Variants in PCDHGB2 observed in about 807,000 individuals in gnomAD.
PCDHGB2 encodes protocadherin gamma subfamily B, 2.
PCDHGB2 carries 55 observed loss-of-function variants against 59.3 expected under a neutral mutation model. That is an observed-to-expected ratio of 0.93 (90% CI 0.75 to 1.16). PCDHGB2 has a LOEUF of 1.16. PCDHGB2 is among the 50% of genes most tolerant of loss of function. The pLI is 0.00. For missense variants in PCDHGB2, 1,228 were observed against 1,198.5 expected, an observed-to-expected ratio of 1.02 and a Z score of -0.36; for synonymous variants, 516 against 512.0, an observed-to-expected ratio of 1.01 and a Z score of -0.11.
intron 1 of PCDHGB2, chr5:141,394,355 G>A: frequency 6.2e-7 from 1 of 1,614,182 alleles, no homozygotes; most frequent in Non-Finnish European, 8.5e-7. Context: ...CCGGTGTCCT[G>A]TATGCGCTGC....
chr5:141,404,159 A>C, intron 1 of PCDHGB2: 1 of 1,613,114 alleles, frequency 6.2e-7, no homozygotes, highest in South Asian at 1.1e-5. Flanking sequence ...AGATTATTAC[A>C]GATTGTTGAC....
chr5:141,489,867 G>C lies in PCDHGB2; in HGVS notation c.2422-4940G>C. ...ATCGTGAAGCCCAGGCAAGACATCA[G>C]CTGGTGCTTACTGCTGTGGATGGGG... On this transcript the variant is annotated intron_variant, in intron 1 of 3. Transcript: ENST00000522605. This position sits in a 1 kb window ranked among gnomAD's most constrained non-coding sequence, Gnocchi z 4.5. 1 of 1,614,240 alleles carries C rather than the reference G, an allele frequency of 6.2e-7. No individual in the cohort carries two copies. Among genetic ancestry groups the C allele is most frequent in the Non-Finnish European group, 8.5e-7 (1 of 1,180,034 alleles).
chr5:141,497,110 C>T (rs964183820), intron 2 of PCDHGB2, among the ~76,000 whole-genome samples: 2 of 151,738 alleles, frequency 1.3e-5, no homozygotes, highest in African/African-American at 2.4e-5. Context: ...TGCTTGAACC[C>T]GGAAGGCAGA....
chr5:141,404,648 G>C (rs1178706213), intron 1 of PCDHGB2: 1 of 1,614,148 alleles, frequency 6.2e-7, no homozygotes, highest in African/African-American at 1.3e-5. Flanking sequence ...CCTGTACCCT[G>C]CCCTCCCCAC....
intron 1 of PCDHGB2, chr5:141,398,997 G>A: frequency 6.2e-7 from 1 of 1,613,934 alleles, no homozygotes; most frequent in Non-Finnish European, 8.5e-7. Flanking sequence ...TCTTTAGTCT[G>A]AATTCAAAGA....
At chr5:141,418,000 G>A (rs758811293) in intron 1 of PCDHGB2, 6 of 1,613,902 alleles carry the variant, frequency 3.7e-6, no homozygotes, top group Admixed American at 1.7e-5. Context: ...GCTCGGTGGT[G>A]GGGAACCTCG....
chr5:141,502,402 A>T (rs1317862793), intron 2 of PCDHGB2, among the ~76,000 whole-genome samples: 1 of 151,976 alleles, frequency 6.6e-6, no homozygotes, highest in Admixed American at 6.6e-5. Flanking sequence ...AATGTCCCCG[A>T]ACCTGGATTT....
chr5:141,428,224 G>T, intron 1 of PCDHGB2: 1 of 1,164,316 alleles, frequency 8.6e-7, no homozygotes, highest in Non-Finnish European at 1.3e-6. Context: ...AGTCTTCGCA[G>T]ACAGCCTGCA....
intron 1 of PCDHGB2, chr5:141,399,007 A>G (rs1403288140): frequency 6.2e-7 from 1 of 1,613,948 alleles, no homozygotes. Flanking sequence ...GAATTCAAAG[A>G]GCGGAGAAAT....
intron 1 of PCDHGB2, among the ~76,000 whole-genome samples, chr5:141,479,965 T>C (rs2099510479): frequency 6.6e-6 from 1 of 152,234 alleles, no homozygotes; most frequent in East Asian, 1.9e-4. Context: ...GTTAGTCAAA[T>C]GAGGTTCTAC....
chr5:141,393,400 T>A (rs1427213486), intron 1 of PCDHGB2: 5 of 1,614,024 alleles, frequency 3.1e-6, no homozygotes, highest in Non-Finnish European at 4.2e-6. Context: ...GAGCTGGTGC[T>A]GGAGCGCGCC....
Position 141,485,842 on chromosome 5 carries a change from T to G in PCDHGB2, c.2422-8965T>G. 4 of 1,614,002 alleles carry G rather than the reference T, an allele frequency of 2.5e-6. No homozygotes were observed. The highest frequency in any genetic ancestry group is 3.4e-6 in the Non-Finnish European group (4 of 1,179,982). On this transcript the variant is annotated intron_variant, in intron 1 of 3. Coordinates refer to ENST00000522605, the MANE Select transcript of PCDHGB2 (RefSeq NM_018923.3). The surrounding 1 kb of genome is among the most constrained non-coding windows in gnomAD (Gnocchi z 5.7). ...TCGATGGAGGGAACCCGCCGAGATC[T>G]GGCACCGCAGAGCTCCGGGTATCCG...
chr5:141,389,309 T>C (rs763262842), intron 1 of PCDHGB2: 1 of 1,613,900 alleles, frequency 6.2e-7, no homozygotes, highest in African/African-American at 1.3e-5. Context: ...TCAGGGCTTC[T>C]GATCCGGACT....
At chr5:141,383,101 T>C (rs1561594429) in intron 1 of PCDHGB2, 2 of 1,613,954 alleles carry the variant, frequency 1.2e-6, no homozygotes, top group Non-Finnish European at 8.5e-7. Flanking sequence ...CCGCATCATC[T>C]CCAGAGGTAG....
intron 1 of PCDHGB2, among the ~76,000 whole-genome samples, chr5:141,407,652 A>G (rs2094964200): frequency 6.6e-6 from 1 of 152,020 alleles, no homozygotes; most frequent in Non-Finnish European, 1.5e-5. Flanking sequence ...ATAATGGGGG[A>G]GCGCAGTATA....
chr5:141,385,771 C>A, intron 1 of PCDHGB2: 1 of 163,128 alleles, frequency 6.1e-6, no homozygotes, highest in Non-Finnish European at 1.3e-5. Context: ...CTGATTCTGC[C>A]TCCATGTACC....
intron 1 of PCDHGB2, chr5:141,378,349 C>T (rs1774833758): frequency 6.6e-6 from 1 of 152,158 alleles, no homozygotes; most frequent in African/African-American, 2.4e-5. Flanking sequence ...ATGGTGAAAC[C>T]CCGTCTCTAC....
At chr5:141,400,609 A>G (rs376731583) in intron 1 of PCDHGB2, 129 of 1,577,604 alleles carry the variant, frequency 8.2e-5, no homozygotes, top group South Asian at 3.2e-4. Flanking sequence ...TTCAAGTCCA[A>G]TGAGTTGTCT....
chr5:141,370,451 C>A, intron 1 of PCDHGB2: 1 of 1,611,138 alleles, frequency 6.2e-7, no homozygotes, highest in Non-Finnish European at 8.5e-7. Flanking sequence ...TGCTATTTCT[C>A]TTCCTGCTCT....
Sources: allele counts gnomAD v4.1 joint callset (sites outside exome capture counted in the v4.1 genomes callset), GRCh38; gene constraint gnomAD v4.1.1; non-coding constraint Gnocchi (gnomAD v3.1); transcripts MANE v1.5; gene names NCBI Gene and HGNC (gene_info 2026-07-23, HGNC 2026-07-21).